CEP68: variants seen among roughly 807,000 people sequenced by gnomAD.
The protein encoded by CEP68 is centrosomal protein of 68 kDa.
A neutral mutation model predicts 55.3 loss-of-function variants in CEP68; 26 were observed. That is an observed-to-expected ratio of 0.47 (90% CI 0.34 to 0.65). The LOEUF (loss-of-function observed/expected upper bound fraction) is 0.65. CEP68 is among the 30% of genes least tolerant of loss of function. The pLI is 0.01. For synonymous variants in CEP68, 402 were observed against 383.2 expected (o/e 1.05, Z -0.57); for missense variants, 957 against 946.7 (o/e 1.01, Z -0.14).
At chr2:65,074,973 A>G (rs1323646828) in intron 4 of CEP68, 1 of 191,480 alleles carries the variant, frequency 5.2e-6, no homozygotes, top group Non-Finnish European at 1.1e-5. Context: ...CAACCATCAC[A>G]TTTGTCTAGT....
intron 1 of CEP68, among the ~76,000 whole-genome samples, chr2:65,064,260 C>T (rs144922076): frequency 6.6e-6 from 1 of 152,188 alleles, no homozygotes; most frequent in East Asian, 1.9e-4. Context: ...AAATAGATAC[C>T]TTCTTTTTTG....
intron 1 of CEP68, among the ~76,000 whole-genome samples, 174 bp downstream of exon 1, chr2:65,056,702 A>G (rs1675612351): frequency 6.6e-6 from 1 of 151,988 alleles, no homozygotes. Context: ...CAAGGGCACA[A>G]AGGCTCCCTG....
chr2:65,061,030 A>G (rs2103744681), intron 1 of CEP68, among the ~76,000 whole-genome samples: 1 of 152,298 alleles, frequency 6.6e-6, no homozygotes, highest in East Asian at 1.9e-4. Flanking sequence ...TACTAAAATT[A>G]GCCAGGCGTG....
chr2:65,077,781 C>A, intron 4 of CEP68, 87 bp from the exon 5 acceptor site: 1 of 950,130 alleles, frequency 1.1e-6, no homozygotes, highest in Non-Finnish European at 1.6e-6. Flanking sequence ...GGGAATAAGG[C>A]TTCCCTACAT....
At chr2:65,074,515 G>C (rs1185024606) in intron 4 of CEP68, 111 bp downstream of exon 4, 3 of 1,457,656 alleles carry the variant, frequency 2.1e-6, no homozygotes, top group Non-Finnish European at 2.9e-6. Flanking sequence ...TAGCTCAGTT[G>C]ACTATTATAC....
intron 5 of CEP68, among the ~76,000 whole-genome samples, chr2:65,081,193 CAG>C (rs1483050748): frequency 7.6e-6 from 1 of 130,774 alleles, no homozygotes; most frequent in Non-Finnish European, 1.6e-5. Context: ...GCCTGGGTGA[CAG>C]AGTGAGACTC....
In CEP68 at chr2:65,069,724, A is replaced by C. The variant is rs776937093; in HGVS notation, c.280A>C (p.Arg94=). The change falls in exon 2 of 7, where the codon AGG becomes CGG. Residue 94 remains arginine (R), a synonymous_variant. Transcript: ENST00000377990. ...SDANREPVAE[R]SEPALSGLPP... is the part of the protein sequence containing the mutation. Reference sequence around the variant, plus strand: ...TGCCAACAGAGAGCCCGTAGCTGAGAGGTCTGAGCCTGCACTCAGTGGCCT... The same window carrying C: ...TGCCAACAGAGAGCCCGTAGCTGAGCGGTCTGAGCCTGCACTCAGTGGCCT... The C allele has an allele frequency of 1.2e-6, 2 of 1,614,102 alleles. No homozygotes were observed. The highest frequency in any genetic ancestry group is 1.1e-5 in the South Asian group (1 of 91,084).
intron 4 of CEP68, among the ~76,000 whole-genome samples, chr2:65,075,998 A>T (rs1676739975): frequency 6.6e-6 from 1 of 151,712 alleles, no homozygotes; most frequent in Admixed American, 6.6e-5. Context: ...AGGCTGGGCC[A>T]GCTGCTCCAC....
Position 65,083,926 on chromosome 2 carries a change from A to G in CEP68, c.*292A>G, listed in dbSNP as rs1489368459. 6.6e-6 allele frequency: 1 copy of G among 152,220 alleles called. No individual in the cohort carries two copies. Among genetic ancestry groups the G allele is most frequent in the African/African-American group, 2.4e-5 (1 of 41,466 alleles). 9.4% of individuals were successfully genotyped at this position (152,220 alleles called of 1,614,324 possible). ...GACGTGTTGCCTTCCCCTCTATCCC[A>G]TTAAAAAAGAGCAGATAAAGCTCAA... On this transcript the variant is annotated 3_prime_UTR_variant, in exon 7 of 7. Coordinates refer to ENST00000377990, the MANE Select transcript of CEP68 (RefSeq NM_015147.3).
chr2:65,057,631 G>C (rs1442105364), intron 1 of CEP68, among the ~76,000 whole-genome samples: 2 of 152,184 alleles, frequency 1.3e-5, no homozygotes, highest in South Asian at 2.1e-4. Context: ...CACAATGCTT[G>C]GAACATAAAA....
At chr2:65,081,632 A>C (rs370440831) in intron 5 of CEP68, among the ~76,000 whole-genome samples, 88 of 152,326 alleles carry the variant, frequency 5.8e-4, no homozygotes, top group African/African-American at 2.0e-3. Context: ...TCCCTTCCTC[A>C]CATGAACAAC....
chr2:65,080,370 C>A (rs1305773168), intron 5 of CEP68: 1 of 985,164 alleles, frequency 1.0e-6, no homozygotes, highest in African/African-American at 1.8e-5. Flanking sequence ...CTTGAGACGT[C>A]AGTGTCTGTC....
At chr2:65,074,246 C>G in intron 3 of CEP68, 36 bp from the exon 4 acceptor site, 2 of 1,608,660 alleles carry the variant, frequency 1.2e-6, no homozygotes, top group Non-Finnish European at 1.7e-6. Context: ...GCTGTTCGAT[C>G]AGTAACACCA....
rs991416367 is a variant in CEP68, at chr2:65,084,537, CTA to C, written c.*905_*906del. 7.1e-5 allele frequency: 10 copies of C among 139,972 alleles called. No homozygotes were observed. The highest frequency in any genetic ancestry group is 2.6e-4 in the African/African-American group (10 of 38,600). The allele number at this position is 139,972 out of a possible 1,614,324, so 8.7% of individuals were successfully genotyped here. A position where few individuals can be genotyped will look rare whatever the true frequency, so the allele number is the denominator to read the frequency against. On this transcript the variant is annotated 3_prime_UTR_variant, in exon 7 of 7. Coordinates refer to ENST00000377990, the MANE Select transcript of CEP68 (RefSeq NM_015147.3). ...GTACTTTGATTAAAAAAAAAAAAAA[CTA>C]TGGATCAACCATTCAAAGCATCAAT...
chr2:65,076,007 A>G (rs1367391866), intron 4 of CEP68, among the ~76,000 whole-genome samples: 1 of 151,436 alleles, frequency 6.6e-6, no homozygotes, highest in Non-Finnish European at 1.5e-5. Flanking sequence ...CAGCTGCTCC[A>G]CCCTACTGGG....
intron 6 of CEP68, among the ~76,000 whole-genome samples, chr2:65,083,381 G>A (rs974967351): frequency 3.9e-5 from 6 of 152,222 alleles, no homozygotes; most frequent in Admixed American, 1.3e-4. Context: ...CCACCACAGA[G>A]TTGCTACTGC....
chr2:65,080,786 C>G (rs1455561748), intron 5 of CEP68, among the ~76,000 whole-genome samples: 1 of 151,844 alleles, frequency 6.6e-6, no homozygotes, highest in East Asian at 1.9e-4. Flanking sequence ...CCACTGTACT[C>G]CAGCCTGGGC....
chr2:65,074,034 G>C (rs1676639427), intron 3 of CEP68: 1 of 453,080 alleles, frequency 2.2e-6, no homozygotes, highest in Non-Finnish European at 4.0e-6. Context: ...CTTCTGGGCT[G>C]CTCCATTCCT....
chr2:65,067,823 C>CA (rs1676267440), intron 1 of CEP68, among the ~76,000 whole-genome samples: 1 of 152,184 alleles, frequency 6.6e-6, no homozygotes, highest in African/African-American at 2.4e-5. Context: ...GGGAACTAGA[C>CA]GAGCGTCCGT....
Sources: gnomAD v4.1 joint callset for allele counts (sites outside exome capture counted in the v4.1 genomes callset) on GRCh38, gnomAD v4.1.1 for gene constraint, MANE v1.5 for transcripts, NCBI Gene and HGNC (gene_info 2026-07-23, HGNC 2026-07-21) for gene names.